Variants in NDST3 observed in about 807,000 individuals in gnomAD.
NDST3 encodes the protein bifunctional heparan sulfate N-deacetylase/N-sulfotransferase 3.
A neutral mutation model predicts 96.1 loss-of-function variants in NDST3; 58 were observed. That is an observed-to-expected ratio of 0.60 (90% confidence interval 0.49 to 0.75). The LOEUF is 0.75. Among genes scored for constraint, NDST3 ranks in the 30% least tolerant of loss-of-function variants. The pLI is 0.00. For synonymous variants in NDST3, 333 were observed against 359.7 expected (o/e 0.93, Z 0.84); for missense variants, 788 against 1,034.2 (o/e 0.76, Z 3.27).
intron 1 of NDST3, among the ~76,000 whole-genome samples, chr4:118,052,819 C>T (rs1416392636): frequency 6.6e-6 from 1 of 151,914 alleles, no homozygotes; most frequent in African/African-American, 2.4e-5. Flanking sequence ...AAGAAGCACT[C>T]ATGTTTCTTT....
chr4:118,158,438 T>C (rs984535013), intron 6 of NDST3, among the ~76,000 whole-genome samples: 3 of 152,132 alleles, frequency 2.0e-5, no homozygotes, highest in South Asian at 2.1e-4. Context: ...ATGGAGGTTA[T>C]AGACATACTC....
At chr4:118,232,829 A>G (rs1269343338) in intron 8 of NDST3, among the ~76,000 whole-genome samples, 183 bp from the exon 9 acceptor site, 1 of 152,224 alleles carries the variant, frequency 6.6e-6, no homozygotes, top group Admixed American at 6.5e-5. Context: ...TTCACACCAC[A>G]CTATCTCCAT....
chr4:118,253,719 C>T, intron 13 of NDST3, 118 bp downstream of exon 13: 3 of 667,938 alleles, frequency 4.5e-6, no homozygotes, highest in Non-Finnish European at 7.5e-6. Context: ...ATTAAAAGTG[C>T]CATTTCAATT....
chr4:118,059,526 A>G (rs1241242276), intron 2 of NDST3, among the ~76,000 whole-genome samples: 1 of 152,146 alleles, frequency 6.6e-6, no homozygotes, highest in African/African-American at 2.4e-5. Flanking sequence ...AGAGGTATCA[A>G]GCTCAGAAGA....
chr4:118,165,422 T>A (rs567886986), intron 6 of NDST3, among the ~76,000 whole-genome samples: 3 of 152,034 alleles, frequency 2.0e-5, no homozygotes, highest in Non-Finnish European at 2.9e-5. Flanking sequence ...CACCCAAATA[T>A]GTGTAATAAT....
intron 6 of NDST3, among the ~76,000 whole-genome samples, chr4:118,200,169 G>C (rs1378587445): frequency 1.3e-5 from 2 of 152,222 alleles, no homozygotes. Context: ...GGAGGGTCCA[G>C]AGGTGCCATT....
In NDST3 at chr4:118,256,502, T is replaced by C. The variant is rs1344115488; in HGVS notation, c.*790T>C. 6.6e-6 allele frequency: 1 copy of C among 152,164 alleles called. No homozygotes were observed. The highest frequency in any genetic ancestry group is 6.5e-5 in the Admixed American group (1 of 15,268). 9.4% of individuals were successfully genotyped at this position (152,164 alleles called of 1,614,324 possible). A position where few individuals can be genotyped will look rare whatever the true frequency, so the allele number is the denominator to read the frequency against. ...AATGTAAAGTGTACTGACTGAATCC[T>C]CTAAAAGGGAGAAATTGTAGGGGTC... On this transcript the variant is annotated 3_prime_UTR_variant, in exon 14 of 14. Coordinates refer to ENST00000296499, the MANE Select transcript of NDST3 (RefSeq NM_004784.3).
At chr4:118,233,271 A>G in intron 9 of NDST3, 136 bp downstream of exon 9, 1 of 736,928 alleles carries the variant, frequency 1.4e-6, no homozygotes, top group Non-Finnish European at 1.9e-6. Flanking sequence ...TTGATTGAAT[A>G]TCATAAAGGG....
At chr4:118,043,885 T>C (rs1346139370) in intron 1 of NDST3, among the ~76,000 whole-genome samples, 1 of 152,230 alleles carries the variant, frequency 6.6e-6, no homozygotes, top group East Asian at 1.9e-4. Flanking sequence ...CATTTAAATA[T>C]GTTAGACCAA....
chr4:118,096,540 A>C (rs1021615657), intron 2 of NDST3, among the ~76,000 whole-genome samples: 1 of 151,916 alleles, frequency 6.6e-6, no homozygotes, highest in African/African-American at 2.4e-5. Context: ...TCTGTTGCAT[A>C]ATTTCTAACC....
intron 6 of NDST3, among the ~76,000 whole-genome samples, chr4:118,149,928 C>T (rs1442330199): frequency 4.0e-5 from 6 of 150,506 alleles, no homozygotes; most frequent in East Asian, 3.9e-4. Flanking sequence ...GAGATATGTC[C>T]CATCAATACC....
intron 2 of NDST3, among the ~76,000 whole-genome samples, chr4:118,063,688 A>G (rs541618330): frequency 2.2e-4 from 33 of 152,308 alleles, no homozygotes; most frequent in African/African-American, 7.0e-4. Context: ...GCTTTGCTTC[A>G]TCATTTAATT....
chr4:118,194,449 C>T (rs1737530894), intron 6 of NDST3: 2 of 733,160 alleles, frequency 2.7e-6, no homozygotes, highest in Non-Finnish European at 2.6e-6. Context: ...TGATATGGCA[C>T]ACCTCCCCTG....
chr4:118,122,984 A>C lies in NDST3; in HGVS notation c.1224+8024A>C, dbSNP rs534890295. Among the ~76,000 whole-genome samples, 4 of 152,308 alleles carry C rather than the reference A, an allele frequency of 2.6e-5. No individual in the cohort carries two copies. In the East Asian group the frequency reaches 7.7e-4, roughly 29 times the overall value. On this transcript the variant is annotated intron_variant, in intron 4 of 13. Coordinates refer to ENST00000296499, the MANE Select transcript of NDST3 (RefSeq NM_004784.3). ...CCCATGTAACAACCATGGTTTGTAA[A>C]ATTAACAAGTAGCCATGCCATTGAT...
intron 6 of NDST3, among the ~76,000 whole-genome samples, chr4:118,201,540 T>A (rs745977389): frequency 1.3e-5 from 2 of 152,248 alleles, no homozygotes; most frequent in Non-Finnish European, 2.9e-5. Flanking sequence ...TGATTAGTGA[T>A]GCTGAGCATT....
intron 2 of NDST3, among the ~76,000 whole-genome samples, chr4:118,079,830 G>A (rs552826601): frequency 6.6e-6 from 1 of 152,322 alleles, no homozygotes; most frequent in Admixed American, 6.5e-5. Context: ...AATAAAGATG[G>A]TGAGAAGTTA....
intron 6 of NDST3, among the ~76,000 whole-genome samples, chr4:118,221,194 A>C (rs2125992392): frequency 6.6e-6 from 1 of 152,102 alleles, no homozygotes; most frequent in Middle Eastern, 3.4e-3. Context: ...GCAAAACAAA[A>C]CTGGTTGGCT....
At chr4:118,246,330 G>A (rs1379740282) in intron 12 of NDST3, among the ~76,000 whole-genome samples, 1 of 152,154 alleles carries the variant, frequency 6.6e-6, no homozygotes, top group Non-Finnish European at 1.5e-5. Flanking sequence ...TTTAGGCTGG[G>A]TGGGGTGTCT....
chr4:118,255,483 C>T, intron 13 of NDST3, 110 bp from the exon 14 acceptor site: 1 of 1,167,650 alleles, frequency 8.6e-7, no homozygotes, highest in Non-Finnish European at 1.2e-6. Flanking sequence ...ATGCTTAATA[C>T]AAATTTTAAT....
Sources: allele counts gnomAD v4.1 joint callset (sites outside exome capture counted in the v4.1 genomes callset), GRCh38; gene constraint gnomAD v4.1.1; transcripts MANE v1.5; gene names NCBI Gene and HGNC (gene_info 2026-07-23, HGNC 2026-07-21).